GLCE: variants seen among roughly 807,000 people sequenced by gnomAD.
GLCE encodes glucuronic acid epimerase, also known as D-glucuronyl C5-epimerase.
GLCE carries 19 observed loss-of-function variants against 47.9 expected under a neutral mutation model. The observed-to-expected ratio is 0.40, with a 90% confidence interval of 0.28 to 0.58. The LOEUF (loss-of-function observed/expected upper bound fraction) is 0.58. GLCE is among the 20% of genes least tolerant of loss of function. GLCE has a pLI of 0.48. For missense variants in GLCE, 556 were observed against 743.3 expected, an observed-to-expected ratio of 0.75 and a Z score of 2.93; for synonymous variants, 245 against 263.4, an observed-to-expected ratio of 0.93 and a Z score of 0.68.
intron 2 of GLCE, among the ~76,000 whole-genome samples, chr15:69,215,480 C>T (rs1006656118): frequency 4.6e-5 from 7 of 151,524 alleles, no homozygotes; most frequent in African/African-American, 1.7e-4. Context: ...TGTTGTGGGA[C>T]ATCTGGGTTG....
At chr15:69,171,933 G>T (rs990975250) in intron 1 of GLCE, among the ~76,000 whole-genome samples, 9 of 152,122 alleles carry the variant, frequency 5.9e-5, no homozygotes, top group African/African-American at 2.2e-4. Context: ...GAAAGAATTT[G>T]TCAGAGGGAA....
chr15:69,168,462 GC>G (rs927166203), intron 1 of GLCE, among the ~76,000 whole-genome samples: 24 of 151,802 alleles, frequency 1.6e-4, no homozygotes, highest in African/African-American at 5.6e-4. Context: ...TTTGATCTAA[GC>G]CTCTCATCTC....
chr15:69,199,356 C>CT (rs1377207529), intron 1 of GLCE, among the ~76,000 whole-genome samples: 2 of 152,006 alleles, frequency 1.3e-5, no homozygotes, highest in Admixed American at 1.3e-4. Context: ...CATATATACC[C>CT]TTTTATGACA....
At chr15:69,265,559 G>A (rs1362689210) in intron 4 of GLCE, among the ~76,000 whole-genome samples, 1 of 152,132 alleles carries the variant, frequency 6.6e-6, no homozygotes, top group Non-Finnish European at 1.5e-5. Context: ...ACCCTCTGCT[G>A]GTGTTAAGGT....
chr15:69,271,779 T>C lies in GLCE; in HGVS notation c.*2535T>C, dbSNP rs1190943612. ...GTCAAGTTTGACCTTTTAGGAGTTATTGTACATAAAGGCTTCATCCACGAA... is the reference window on the plus strand; with the variant it reads ...GTCAAGTTTGACCTTTTAGGAGTTACTGTACATAAAGGCTTCATCCACGAA... On this transcript the variant is annotated 3_prime_UTR_variant, in exon 5 of 5. Transcript: ENST00000261858. 1 of 152,654 alleles carries C rather than the reference T, an allele frequency of 6.6e-6. No individual in the cohort carries two copies. The highest frequency in any genetic ancestry group is 2.4e-5 in the African/African-American group (1 of 41,464). The allele number at this position is 152,654 out of a possible 1,614,324, so 9.5% of individuals were successfully genotyped here.
intron 2 of GLCE, among the ~76,000 whole-genome samples, chr15:69,249,168 AATGGAT>A (rs1469716399): frequency 6.6e-6 from 1 of 152,152 alleles, no homozygotes; most frequent in Non-Finnish European, 1.5e-5. Flanking sequence ...GAGCCATCCA[AATGGAT>A]ATCTGGGGAA....
chr15:69,251,749 T>C, intron 2 of GLCE, among the ~76,000 whole-genome samples: 1 of 152,230 alleles, frequency 6.6e-6, no homozygotes, highest in East Asian at 1.9e-4. Context: ...TTTTATTGCT[T>C]CGTTGTGTTT....
chr15:69,256,568 G>T (rs995947294), intron 3 of GLCE, among the ~76,000 whole-genome samples, 176 bp downstream of exon 3: 3 of 152,184 alleles, frequency 2.0e-5, no homozygotes, highest in Non-Finnish European at 4.4e-5. Flanking sequence ...TAGATGCTAT[G>T]ACTTAAGGGC....
At chr15:69,164,519 A>G (rs2051474467) in intron 1 of GLCE, among the ~76,000 whole-genome samples, 1 of 150,170 alleles carries the variant, frequency 6.7e-6, no homozygotes, top group Admixed American at 6.7e-5. Context: ...ATGTTGTTAT[A>G]TACATATGCC....
At chr15:69,167,830 T>G (rs1230556806) in intron 1 of GLCE, among the ~76,000 whole-genome samples, 1 of 151,786 alleles carries the variant, frequency 6.6e-6, no homozygotes, top group Non-Finnish European at 1.5e-5. Context: ...AAAGTTTTTT[T>G]TTTTTTTTTT....
intron 4 of GLCE, among the ~76,000 whole-genome samples, chr15:69,267,593 C>T (rs756506227): frequency 1.3e-5 from 2 of 152,136 alleles, no homozygotes; most frequent in South Asian, 2.1e-4. Context: ...TGTTGTGGAG[C>T]GAGACCAGGC....
At position 69,261,338 on chromosome 15, in the gene GLCE, T is replaced by C. The variant is rs771997684; in HGVS notation, c.829+9T>C. The C allele has an allele frequency of 1.9e-6, 3 of 1,608,904 alleles. No homozygotes were observed. The highest frequency in any genetic ancestry group is 2.5e-6 in the Non-Finnish European group (3 of 1,176,482). The stretch of plus-strand genomic sequence containing the variant: ...ACAGTTTATTGCACCAGGTAAGTTA[T>C]GTATTATATGTGCCTGCTAATTTTA... On this transcript the variant is annotated intron_variant, in intron 4 of 4. Coordinates refer to ENST00000261858, the MANE Select transcript of GLCE (RefSeq NM_015554.3).
Position 69,261,133 on chromosome 15 carries a change from A to T in GLCE, c.633A>T (p.Pro211=), listed in dbSNP as rs1241245568. The stretch of plus-strand genomic sequence containing the variant: ...GGGGACCTCAAGGCTATTTCTATCC[A>T]ATCCAGATTGCACAGTATGGATTAA... ...TQWGPQGYFY[P]IQIAQYGLSH... Residue 211 remains proline, a synonymous_variant, in exon 4 of 5, where the codon CCA becomes CCT. Transcript: ENST00000261858. 1 of 1,613,526 alleles carries T rather than the reference A, an allele frequency of 6.2e-7. No homozygotes were observed. The highest frequency in any genetic ancestry group is 1.1e-5 in the South Asian group (1 of 91,078).
At chr15:69,215,273 A>C (rs192391811) in intron 2 of GLCE, among the ~76,000 whole-genome samples, 1 of 152,066 alleles carries the variant, frequency 6.6e-6, no homozygotes, top group African/African-American at 2.4e-5. Context: ...TGTGTGTTCT[A>C]TCCCTTTAGT....
intron 1 of GLCE, among the ~76,000 whole-genome samples, chr15:69,183,133 C>A (rs911208402): frequency 6.6e-6 from 1 of 152,156 alleles, no homozygotes; most frequent in South Asian, 2.1e-4. Context: ...CCTAGATCTA[C>A]TGAAGGGCAG....
intron 1 of GLCE, among the ~76,000 whole-genome samples, chr15:69,168,364 C>G (rs1322981452): frequency 6.6e-6 from 1 of 152,182 alleles, no homozygotes; most frequent in African/African-American, 2.4e-5. Flanking sequence ...CCCCAACATA[C>G]AGAACGGTGC....
chr15:69,204,424 A>T (rs2052121218), intron 1 of GLCE, among the ~76,000 whole-genome samples: 1 of 151,834 alleles, frequency 6.6e-6, no homozygotes, highest in South Asian at 2.1e-4. Context: ...CTGGGATTAC[A>T]GGCGTGTGCC....
intron 2 of GLCE, among the ~76,000 whole-genome samples, chr15:69,221,569 T>TAA (rs35751008): frequency 0.13 from 20,216 of 151,582 alleles, 1,432 homozygotes; most frequent in African/African-American, 0.17. Context: ...ATTAACTAAT[T>TAA]AAAAAAAATT....
chr15:69,187,139 AT>A (rs1482107290), intron 1 of GLCE, among the ~76,000 whole-genome samples: 2 of 152,172 alleles, frequency 1.3e-5, no homozygotes, highest in Non-Finnish European at 2.9e-5. Context: ...TAGTTTCTGT[AT>A]CTCATTACTA....
Sources: allele counts gnomAD v4.1 joint callset (sites outside exome capture counted in the v4.1 genomes callset), GRCh38; gene constraint gnomAD v4.1.1; transcripts MANE v1.5; gene names NCBI Gene and HGNC (gene_info 2026-07-23, HGNC 2026-07-21).